The following CTNNA2 variants were observed in gnomAD, a reference collection of about 807,000 sequenced individuals.
CTNNA2 encodes the protein catenin alpha-2.
CTNNA2 carries 42 observed loss-of-function variants against 101.0 expected under a neutral mutation model. That is an observed-to-expected ratio of 0.42 (90% confidence interval 0.32 to 0.54). The LOEUF is 0.54. Ranked by LOEUF, CTNNA2 falls within the 20% of genes least tolerant of loss-of-function variation. The pLI, the probability that CTNNA2 is intolerant of heterozygous loss-of-function variation, is 0.14. For synonymous variants in CTNNA2, 450 were observed against 456.4 expected (o/e 0.99, Z 0.18); for missense variants, 871 against 1,223.1 (o/e 0.71, Z 4.29).
intron 1 of CTNNA2, among the ~76,000 whole-genome samples, chr2:79,591,042 A>T (rs1288467903): frequency 2.6e-5 from 4 of 151,956 alleles, no homozygotes; most frequent in Admixed American, 6.6e-5. Flanking sequence ...GCTTTAGGAG[A>T]CATGGGAGAT....
chr2:79,597,592 T>C (rs1042091666), intron 1 of CTNNA2, among the ~76,000 whole-genome samples: 1 of 152,142 alleles, frequency 6.6e-6, no homozygotes, highest in African/African-American at 2.4e-5. Flanking sequence ...ATCTCTTCCA[T>C]TGCAAGGTCC....
chr2:79,817,105 A>G (rs1677568379), intron 3 of CTNNA2, among the ~76,000 whole-genome samples: 2 of 151,934 alleles, frequency 1.3e-5, no homozygotes, highest in Non-Finnish European at 2.9e-5. Context: ...TTACATATGT[A>G]TACATGTGCC....
intron 3 of CTNNA2, among the ~76,000 whole-genome samples, chr2:79,753,712 AAAG>A (rs1672198688): frequency 6.6e-6 from 1 of 152,188 alleles, no homozygotes. Flanking sequence ...GGTGCAGATG[AAAG>A]AAGAAGCTTC....
chr2:80,093,120 G>T (rs899459332), intron 7 of CTNNA2, among the ~76,000 whole-genome samples: 2 of 151,714 alleles, frequency 1.3e-5, no homozygotes, highest in African/African-American at 4.8e-5. Context: ...TCATCATTTA[G>T]CATTAGGTAT....
intron 4 of CTNNA2, among the ~76,000 whole-genome samples, chr2:79,397,815 G>A (rs1292054352): frequency 6.6e-6 from 1 of 151,910 alleles, no homozygotes; most frequent in Non-Finnish European, 1.5e-5. Flanking sequence ...GTGCCACCAA[G>A]TCTGTTTATT....
At chr2:79,969,072 C>G (rs932596596) in intron 7 of CTNNA2, among the ~76,000 whole-genome samples, 1 of 152,108 alleles carries the variant, frequency 6.6e-6, no homozygotes, top group Non-Finnish European at 1.5e-5. Flanking sequence ...TAAGAGACAT[C>G]ATTACTTATG....
chr2:80,646,273 A>G (rs1043599628), intron 18 of CTNNA2, among the ~76,000 whole-genome samples: 1 of 152,228 alleles, frequency 6.6e-6, no homozygotes, highest in African/African-American at 2.4e-5. Flanking sequence ...CACAACAAAT[A>G]ATCTCTCCAA....
At chr2:80,470,513 G>A (rs916548649) in intron 9 of CTNNA2, among the ~76,000 whole-genome samples, 3 of 152,082 alleles carry the variant, frequency 2.0e-5, no homozygotes, top group African/African-American at 7.2e-5. Context: ...AAACAGCAGT[G>A]TCCCCTACAC....
At chr2:79,661,236 C>T (rs184058806) in intron 2 of CTNNA2, among the ~76,000 whole-genome samples, 7 of 152,240 alleles carry the variant, frequency 4.6e-5, no homozygotes, top group African/African-American at 1.4e-4. Flanking sequence ...TTTTTCCCTT[C>T]TTATTAGCCT....
intron 7 of CTNNA2, among the ~76,000 whole-genome samples, chr2:80,161,031 G>T (rs1330011956): frequency 6.6e-6 from 1 of 152,030 alleles, no homozygotes; most frequent in East Asian, 1.9e-4. Context: ...TGATATCATT[G>T]TGTGAATTTT....
intron 7 of CTNNA2, among the ~76,000 whole-genome samples, chr2:80,043,418 G>A (rs192666854): frequency 4.7e-4 from 72 of 151,866 alleles, no homozygotes; most frequent in Admixed American, 1.8e-3. Context: ...GACTTTTCTC[G>A]AACTCCTGAC....
At chr2:79,621,444 CAT>C (rs1354564506) in intron 1 of CTNNA2, among the ~76,000 whole-genome samples, 2 of 152,148 alleles carry the variant, frequency 1.3e-5, no homozygotes, top group Non-Finnish European at 2.9e-5. Flanking sequence ...GATGGGGACA[CAT>C]GTCAAAGGGA....
At chr2:79,842,728 A>C (rs527297425) in intron 3 of CTNNA2, among the ~76,000 whole-genome samples, 2 of 151,934 alleles carry the variant, frequency 1.3e-5, no homozygotes, top group Admixed American at 1.3e-4. Flanking sequence ...AAATCTTTGA[A>C]ATGGAGCTAG....
chr2:79,960,416 A>G (rs1689550070), intron 7 of CTNNA2, among the ~76,000 whole-genome samples: 1 of 152,218 alleles, frequency 6.6e-6, no homozygotes, highest in Admixed American at 6.5e-5. Flanking sequence ...GTACCTACTG[A>G]TTATCATGTG....
chr2:79,458,276 T>C (rs1670845775), intron 4 of CTNNA2, among the ~76,000 whole-genome samples: 1 of 152,228 alleles, frequency 6.6e-6, no homozygotes, highest in African/African-American at 2.4e-5. Context: ...ACTAAAACAG[T>C]ATCATTTTAT....
intron 7 of CTNNA2, among the ~76,000 whole-genome samples, chr2:80,243,772 T>C (rs1401672608): frequency 6.6e-6 from 1 of 152,234 alleles, no homozygotes; most frequent in East Asian, 1.9e-4. Context: ...TGGTTAAATA[T>C]GTAGGAGTAG....
intron 18 of CTNNA2, among the ~76,000 whole-genome samples, chr2:80,639,352 G>A (rs1195913913): frequency 6.6e-6 from 1 of 152,128 alleles, no homozygotes; most frequent in Non-Finnish European, 1.5e-5. Context: ...TGGGATTACA[G>A]GCACCTGCCA....
At chr2:79,845,553 T>C (rs1680168614) in intron 3 of CTNNA2, among the ~76,000 whole-genome samples, 1 of 152,112 alleles carries the variant, frequency 6.6e-6, no homozygotes, top group African/African-American at 2.4e-5. Context: ...TGTCGGAACA[T>C]TTTTTTCCCT....
intron 7 of CTNNA2, among the ~76,000 whole-genome samples, chr2:80,008,555 G>A (rs570697023): frequency 2.7e-4 from 41 of 152,276 alleles, no homozygotes; most frequent in African/African-American, 8.7e-4. Flanking sequence ...GGGAGGAACC[G>A]AGGAAACAGT....
Sources: gnomAD v4.1 joint callset for allele counts (sites outside exome capture counted in the v4.1 genomes callset) on GRCh38, gnomAD v4.1.1 for gene constraint, MANE v1.5 for transcripts, NCBI Gene and HGNC (gene_info 2026-07-23, HGNC 2026-07-21) for gene names.